The following ABCA13 variants were observed in gnomAD, a reference collection of about 807,000 sequenced individuals.
The protein encoded by ABCA13 is ATP binding cassette subfamily A member 13.
ABCA13 carries 476 observed loss-of-function variants against 478.7 expected under a neutral mutation model. That is an observed-to-expected ratio of 0.99 (90% CI 0.92 to 1.07). The LOEUF (loss-of-function observed/expected upper bound fraction) is 1.07, where lower values mean the gene tolerates loss of function less well. Ranked by LOEUF, ABCA13 falls within the 50% of genes least tolerant of loss-of-function variation. The probability of loss-of-function intolerance (pLI) is 0.00; values close to 1 mark genes in which losing one functional copy is unlikely to be tolerated. For missense variants in ABCA13, 6,060 were observed against 5,910.6 expected (o/e 1.03, Z -0.83); for synonymous variants, 2,252 against 2,158.9 (o/e 1.04, Z -1.20).
At chr7:48,431,720 G>GT (rs953426569) in intron 42 of ABCA13, among the ~76,000 whole-genome samples, 1 of 152,178 alleles carries the variant, frequency 6.6e-6, no homozygotes, top group Non-Finnish European at 1.5e-5. Flanking sequence ...TCTTCCAGAT[G>GT]TAAGCCTTAT....
chr7:48,399,730 A>G (rs1817331629), intron 38 of ABCA13, among the ~76,000 whole-genome samples: 1 of 152,220 alleles, frequency 6.6e-6, no homozygotes, highest in Admixed American at 6.5e-5. Flanking sequence ...GTAGATGACA[A>G]CAGCAATGAC....
intron 3 of ABCA13, among the ~76,000 whole-genome samples, chr7:48,218,745 T>C (rs191311894): frequency 1.2e-4 from 18 of 152,346 alleles, no homozygotes; most frequent in African/African-American, 3.6e-4. Flanking sequence ...GCATTGAATT[T>C]ATTTTATTCA....
intron 48 of ABCA13, among the ~76,000 whole-genome samples, chr7:48,496,382 C>G (rs1830279406): frequency 6.6e-6 from 1 of 151,934 alleles, no homozygotes; most frequent in Non-Finnish European, 1.5e-5. Context: ...CCCTGTTTAC[C>G]TTTAAAATAT....
chr7:48,473,644 C>T (rs1827763350), intron 45 of ABCA13, among the ~76,000 whole-genome samples: 1 of 152,102 alleles, frequency 6.6e-6, no homozygotes, highest in East Asian at 1.9e-4. Flanking sequence ...TACTTTATAG[C>T]TCTGGTGGTG....
chr7:48,258,802 T>C (rs2128717346), intron 15 of ABCA13, among the ~76,000 whole-genome samples: 1 of 152,276 alleles, frequency 6.6e-6, no homozygotes, highest in South Asian at 2.1e-4. Context: ...AGAGATTCTT[T>C]GTTGTATCTT....
chr7:48,258,985 C>CT (rs767450011), intron 15 of ABCA13, among the ~76,000 whole-genome samples: 142 of 142,088 alleles, frequency 1.0e-3, no homozygotes, highest in South Asian at 6.4e-3. Flanking sequence ...TTTGGTGTGA[C>CT]TTTTTTTTTT....
At chr7:48,247,020 A>C (rs1230617675) in intron 13 of ABCA13, among the ~76,000 whole-genome samples, 1 of 152,106 alleles carries the variant, frequency 6.6e-6, no homozygotes, top group East Asian at 1.9e-4. Context: ...AGATCGTTTG[A>C]GCCCAGGAGT....
chr7:48,520,700 C>A (rs937354367), intron 53 of ABCA13, among the ~76,000 whole-genome samples: 2 of 152,128 alleles, frequency 1.3e-5, no homozygotes, highest in African/African-American at 2.4e-5. Flanking sequence ...TATCCCTCCC[C>A]TCTCCAACCA....
intron 55 of ABCA13, among the ~76,000 whole-genome samples, chr7:48,545,559 AT>A (rs912788260): frequency 6.6e-6 from 1 of 151,390 alleles, no homozygotes; most frequent in African/African-American, 2.4e-5. Flanking sequence ...CTCATATATC[AT>A]TTTTTTTCAA....
chr7:48,606,925 A>G (rs1213119488), intron 58 of ABCA13, among the ~76,000 whole-genome samples: 1 of 152,186 alleles, frequency 6.6e-6, no homozygotes, highest in African/African-American at 2.4e-5. Context: ...GAGAGGAGGA[A>G]TCTAGAGAGA....
intron 38 of ABCA13, among the ~76,000 whole-genome samples, chr7:48,398,563 G>C (rs1445884755): frequency 1.3e-5 from 2 of 152,168 alleles, no homozygotes; most frequent in African/African-American, 4.8e-5. Flanking sequence ...ATCCCTGCTA[G>C]AATCTTTAGA....
chr7:48,563,797 TGTGTGTGTGTGTG>T (rs1563442555), intron 55 of ABCA13, among the ~76,000 whole-genome samples: 3,611 of 39,158 alleles, frequency 0.092, 66 homozygotes, highest in Non-Finnish European at 0.12. Flanking sequence ...TTACTGCTTG[TGTGTGTGTGTGTG>T]TGTGTGTGTG....
intron 56 of ABCA13, among the ~76,000 whole-genome samples, chr7:48,581,051 G>A (rs544879958): frequency 2.0e-5 from 3 of 152,292 alleles, no homozygotes; most frequent in Non-Finnish European, 4.4e-5. Context: ...ATGTTGTACC[G>A]TGAGCCACCA....
chr7:48,319,948 C>T lies in ABCA13; in HGVS notation c.9999+2652C>T, dbSNP rs181904262. The stretch of plus-strand genomic sequence containing the variant: ...TTCCGCCTCTGGGCTCTGATATCCC[C>T]ATCCCTGAACACTTGTACCCCTCAC... On this transcript the variant is annotated intron_variant, in intron 27 of 61. Coordinates refer to ENST00000435803, the MANE Select transcript of ABCA13 (RefSeq NM_152701.5). 5.6e-4 allele frequency among the ~76,000 whole-genome samples: 85 copies of T among 152,238 alleles called. No homozygotes were observed. The East Asian group carries it at 6.4e-3, about 11-fold the overall frequency.
At chr7:48,460,456 C>T (rs931355896) in intron 43 of ABCA13, among the ~76,000 whole-genome samples, 3 of 152,116 alleles carry the variant, frequency 2.0e-5, no homozygotes, top group Admixed American at 2.0e-4. Flanking sequence ...CAGTCTCAGC[C>T]TCCTGTCTTC....
intron 26 of ABCA13, among the ~76,000 whole-genome samples, chr7:48,315,758 G>A (rs866112680): frequency 2.6e-5 from 4 of 152,116 alleles, no homozygotes; most frequent in African/African-American, 7.2e-5. Flanking sequence ...GATTACAGGC[G>A]TGAGCCACTG....
intron 8 of ABCA13, among the ~76,000 whole-genome samples, chr7:48,236,363 CT>C (rs1473099827): frequency 6.6e-6 from 1 of 152,086 alleles, no homozygotes; most frequent in Admixed American, 6.6e-5. Flanking sequence ...TCTAAATTTC[CT>C]TTACCAAAAG....
chr7:48,180,516 G>T (rs1028578619), intron 1 of ABCA13, among the ~76,000 whole-genome samples: 3 of 152,138 alleles, frequency 2.0e-5, no homozygotes, highest in Non-Finnish European at 2.9e-5. Context: ...CGCCTCCTGG[G>T]TTCAAACAAC....
intron 3 of ABCA13, among the ~76,000 whole-genome samples, chr7:48,198,898 G>A: frequency 6.6e-6 from 1 of 152,192 alleles, no homozygotes; most frequent in Non-Finnish European, 1.5e-5. Flanking sequence ...TGCCTACAGT[G>A]TCAGTTGGCC....
Sources: gnomAD v4.1 joint callset for allele counts (sites outside exome capture counted in the v4.1 genomes callset) on GRCh38, gnomAD v4.1.1 for gene constraint, MANE v1.5 for transcripts, NCBI Gene and HGNC (gene_info 2026-07-23, HGNC 2026-07-21) for gene names.